GFRA2: variants seen among roughly 807,000 people sequenced by gnomAD.
GFRA2 encodes the protein GDNF family receptor alpha-2.
Under a neutral mutation model 48.3 loss-of-function variants are expected in GFRA2, and 17 were observed. The ratio of observed to expected loss-of-function variants is 0.35; its 90% confidence interval spans 0.24 to 0.53. The LOEUF (loss-of-function observed/expected upper bound fraction) is 0.53. Among genes scored for constraint, GFRA2 ranks in the 20% least tolerant of loss-of-function variants. The pLI, the probability that GFRA2 is intolerant of heterozygous loss-of-function variation, is 0.93. For synonymous variants in GFRA2, 305 were observed against 257.2 expected, an observed-to-expected ratio of 1.19 and a Z score of -1.78; for missense variants, 660 against 637.3, an observed-to-expected ratio of 1.04 and a Z score of -0.38.
At chr8:21,782,157 C>A (rs1483738944) in intron 2 of GFRA2, among the ~76,000 whole-genome samples, 1 of 152,080 alleles carries the variant, frequency 6.6e-6, no homozygotes, top group Non-Finnish European at 1.5e-5. Context: ...CAGCCTGCCC[C>A]TTCTCTCTCC....
intron 4 of GFRA2, among the ~76,000 whole-genome samples, chr8:21,743,390 C>A (rs1255886990): frequency 6.6e-6 from 1 of 152,180 alleles, no homozygotes; most frequent in East Asian, 1.9e-4. Context: ...CTCTGCAATG[C>A]CAGCAGGGTT....
chr8:21,758,565 C>A (rs149648646), intron 3 of GFRA2, among the ~76,000 whole-genome samples: 1 of 152,238 alleles, frequency 6.6e-6, no homozygotes, highest in African/African-American at 2.4e-5. Context: ...ACTACTTAAA[C>A]AGGGGTTAAA....
chr8:21,743,615 T>A (rs1168579319), intron 4 of GFRA2, among the ~76,000 whole-genome samples: 1 of 152,174 alleles, frequency 6.6e-6, no homozygotes, highest in African/African-American at 2.4e-5. Flanking sequence ...CCAAAGTGGA[T>A]GACCAATAAA....
intron 4 of GFRA2, among the ~76,000 whole-genome samples, chr8:21,725,414 G>A (rs140755382): frequency 1.1e-4 from 17 of 152,208 alleles, no homozygotes; most frequent in African/African-American, 1.7e-4. Flanking sequence ...AGCCTGGGGC[G>A]GGGGGACAGA....
intron 2 of GFRA2, among the ~76,000 whole-genome samples, chr8:21,804,155 TG>T (rs1807817490): frequency 6.6e-6 from 1 of 151,932 alleles, no homozygotes; most frequent in Non-Finnish European, 1.5e-5. Context: ...AAACCTATAC[TG>T]CTGCCTATAG....
intron 4 of GFRA2, among the ~76,000 whole-genome samples, chr8:21,729,117 T>G (rs1202194798): frequency 6.6e-6 from 1 of 152,196 alleles, no homozygotes; most frequent in African/African-American, 2.4e-5. Flanking sequence ...CCTGGGCCTT[T>G]ACTTAGCAGT....
Position 21,705,011 on chromosome 8 carries a change from C to G in GFRA2, c.1019G>C (p.Arg340Thr). 1.2e-6 allele frequency: 2 copies of G among 1,611,038 alleles called. No individual in the cohort carries two copies. Among genetic ancestry groups the G allele is most frequent in the East Asian group, 4.5e-5 (2 of 44,846 alleles). Reference protein sequence around the residue: ...NMEEECEKFLRDFTENPCLRN... With the variant: ...NMEEECEKFLTDFTENPCLRN... ...GAGGCATGGGTTCTCGGTGAAGTCC[C>G]TGAGGAACTTCTCACACTCCTCCTC... is the stretch of plus-strand genomic sequence containing the variant. Residue 340 changes from arginine to threonine, a missense_variant, in exon 6 of 9, where the codon AGG becomes ACG. Transcript: ENST00000524240.
chr8:21,788,144 C>T lies in GFRA2; in HGVS notation c.16G>A (p.Val6Ile), dbSNP rs1563267833. Residue 6 changes from valine (V) to isoleucine (I), a missense_variant, in exon 1 of 9, where the codon GTC becomes ATC. Physicochemically the swap from Val to Ile is conservative, Grantham distance 29 (BLOSUM62 3). Transcript: ENST00000524240. The part of the protein sequence containing the change: MILAN[V>I]FCLFFFLDET... ...CCTAGAAAGAAGAAGAGGCAGAAGA[C>T]GTTTGCCAAGATCATGTTAAATAAA... The T allele has an allele frequency of 2.5e-6, 4 of 1,584,188 alleles. No individual in the cohort carries two copies. In the Admixed American group the frequency reaches 5.2e-5, roughly 20 times the overall value.
chr8:21,698,460 G>A (rs932127464), intron 7 of GFRA2, among the ~76,000 whole-genome samples: 22 of 152,160 alleles, frequency 1.4e-4, no homozygotes, highest in African/African-American at 5.3e-4. Flanking sequence ...GCCTACCCCC[G>A]AAGCGCAGGC....
At chr8:21,712,687 A>T (rs1290036462) in intron 4 of GFRA2, among the ~76,000 whole-genome samples, 1 of 152,174 alleles carries the variant, frequency 6.6e-6, no homozygotes, top group Non-Finnish European at 1.5e-5. Flanking sequence ...GTGAGCCGAG[A>T]TCACGCCACT....
At chr8:21,720,350 C>T (rs974729180) in intron 4 of GFRA2, among the ~76,000 whole-genome samples, 2 of 152,190 alleles carry the variant, frequency 1.3e-5, no homozygotes, top group Non-Finnish European at 2.9e-5. Context: ...GGCCAACTCA[C>T]CTTTCTGTGA....
chr8:21,701,381 G>A (rs1444882918), intron 7 of GFRA2, among the ~76,000 whole-genome samples: 1 of 152,204 alleles, frequency 6.6e-6, no homozygotes, highest in Admixed American at 6.5e-5. Flanking sequence ...GCGAGACTGC[G>A]AGACTCCGTC....
At chr8:21,756,232 T>C (rs546277106) in intron 3 of GFRA2, among the ~76,000 whole-genome samples, 20 of 152,256 alleles carry the variant, frequency 1.3e-4, no homozygotes, top group African/African-American at 4.8e-4. Context: ...GGAGCTTGAA[T>C]AGTGAAAGCT....
chr8:21,764,000 CA>C (rs1806037150), intron 3 of GFRA2, among the ~76,000 whole-genome samples: 1 of 116,300 alleles, frequency 8.6e-6, no homozygotes, highest in Non-Finnish European at 1.8e-5. Flanking sequence ...CACACACACA[CA>C]CACACACACC....
chr8:21,765,775 G>A (rs756939229), intron 3 of GFRA2, among the ~76,000 whole-genome samples: 119 of 117,102 alleles, frequency 1.0e-3, no homozygotes, highest in Non-Finnish European at 1.8e-3. Flanking sequence ...TTCCCAATCT[G>A]TTCCTCCTCT....
rs139991672 is a variant in GFRA2, at chr8:21,701,743, T to C, written c.1218+1062A>G. ...AACCAAGATTTGAGCAGGCCCCCGA[T>C]GGTGAGACTGCACAAAACCAGGCTG... On this transcript the variant is annotated intron_variant, in intron 7 of 8. Transcript: ENST00000524240. Among the ~76,000 whole-genome samples, 263 of 152,276 alleles carry C rather than the reference T, an allele frequency of 1.7e-3. 1 individual carries two copies. The highest frequency in any genetic ancestry group is 6.1e-3 in the African/African-American group (252 of 41,552).
chr8:21,810,728 GA>G (rs924542186), intron 1 of GFRA2, among the ~76,000 whole-genome samples: 2 of 151,940 alleles, frequency 1.3e-5, no homozygotes, highest in African/African-American at 4.8e-5. Context: ...GGACTCTATG[GA>G]AAAAAAAGGA....
rs114034512 is a variant in GFRA2, at chr8:21,757,538, C to T, written c.440-6596G>A. Among the ~76,000 whole-genome samples the T allele has an allele frequency of 6.9e-3, 953 of 139,060 alleles. 6 individuals are homozygous for T. The highest frequency in any genetic ancestry group is 0.026 in the African/African-American group (886 of 33,804). 91.2% of individuals were successfully genotyped at this position (139,060 alleles called of 152,430 possible). The stretch of plus-strand genomic sequence containing the variant: ...TTGAATGGAGTTTCACTCTGTCGCA[C>T]GTTGTAGTGCAGTGGCATGATCTCG... On this transcript the variant is annotated intron_variant, in intron 3 of 8. Transcript: ENST00000524240.
intron 3 of GFRA2, among the ~76,000 whole-genome samples, chr8:21,758,572 T>C (rs2117630792): frequency 6.6e-6 from 1 of 152,210 alleles, no homozygotes; most frequent in African/African-American, 2.4e-5. Context: ...AAACAGGGGT[T>C]AAAGAACGTG....
Sources: allele counts gnomAD v4.1 joint callset (sites outside exome capture counted in the v4.1 genomes callset), GRCh38; gene constraint gnomAD v4.1.1; transcripts MANE v1.5; gene names NCBI Gene and HGNC (gene_info 2026-07-23, HGNC 2026-07-21).